AGBL4: variants seen among roughly 807,000 people sequenced by gnomAD.
The protein encoded by AGBL4 is cytosolic carboxypeptidase 6.
A neutral mutation model predicts 66.4 loss-of-function variants in AGBL4; 58 were observed. The observed-to-expected ratio is 0.87, with a 90% confidence interval of 0.71 to 1.09. The LOEUF is 1.09. AGBL4 is among the 50% of genes least tolerant of loss of function. The pLI, the probability that AGBL4 is intolerant of heterozygous loss-of-function variation, is 0.00. For synonymous variants in AGBL4, 234 were observed against 222.9 expected, an observed-to-expected ratio of 1.05 and a Z score of -0.44; for missense variants, 579 against 631.0, an observed-to-expected ratio of 0.92 and a Z score of 0.88.
At chr1:48,733,591 G>C (rs1448211535) in intron 6 of AGBL4, among the ~76,000 whole-genome samples, 3 of 152,204 alleles carry the variant, frequency 2.0e-5, no homozygotes, top group Non-Finnish European at 4.4e-5. Context: ...GTTCCAGCTG[G>C]GGTTGGAGCT....
chr1:48,634,980 T>G (rs1645646382), intron 8 of AGBL4, among the ~76,000 whole-genome samples: 1 of 152,224 alleles, frequency 6.6e-6, no homozygotes. Context: ...TTATGCCTCT[T>G]TGCTCACACC....
At chr1:49,517,642 A>G (rs1322320139) in intron 3 of AGBL4, among the ~76,000 whole-genome samples, 2 of 152,066 alleles carry the variant, frequency 1.3e-5, no homozygotes, top group African/African-American at 2.4e-5. Flanking sequence ...CATTTTGCAG[A>G]TAATAAAACT....
rs1213631398 is a variant in AGBL4 at position 49,381,254 on chromosome 1, AT to A, written c.283-135391del. ...AAAAACACATGAAAAAATGCTCACC[AT>A]CACTGGCCATCAGAGAAATGCAAAT... is the stretch of plus-strand genomic sequence containing the variant. On this transcript the variant is annotated intron_variant, in intron 3 of 13. Transcript: ENST00000371839. Among the ~76,000 whole-genome samples, 4 of 152,352 alleles carry A rather than the reference AT, an allele frequency of 2.6e-5. No individual in the cohort carries two copies. In the East Asian group the frequency reaches 5.8e-4, roughly 22 times the overall value.
chr1:49,630,136 A>G (rs147110519), intron 3 of AGBL4, among the ~76,000 whole-genome samples: 19 of 152,198 alleles, frequency 1.2e-4, no homozygotes, highest in Non-Finnish European at 2.1e-4. Context: ...ATTATCATAA[A>G]CAGTATTGAG....
chr1:49,859,293 ACTAAAGACTGGTATTC>A, intron 1 of AGBL4, among the ~76,000 whole-genome samples: 1 of 152,210 alleles, frequency 6.6e-6, no homozygotes, highest in Non-Finnish European at 1.5e-5. Context: ...CAAGAAGAAA[ACTAAAGACTGGTATTC>A]CTTCTGAACA....
At chr1:49,159,238 G>A (rs1646495063) in intron 4 of AGBL4, among the ~76,000 whole-genome samples, 1 of 152,022 alleles carries the variant, frequency 6.6e-6, no homozygotes, top group South Asian at 2.1e-4. Context: ...TCCTTCAGGA[G>A]CTCTTGTAAG....
chr1:49,885,074 T>C (rs1647874477), intron 1 of AGBL4, among the ~76,000 whole-genome samples: 1 of 151,984 alleles, frequency 6.6e-6, no homozygotes. Context: ...CAGTTCATAT[T>C]GGTCAAAGTG....
chr1:48,959,883 T>C (rs538947315), intron 5 of AGBL4, among the ~76,000 whole-genome samples: 1 of 152,312 alleles, frequency 6.6e-6, no homozygotes, highest in African/African-American at 2.4e-5. Flanking sequence ...TAGGGCCTTG[T>C]AGGCCACAGT....
intron 9 of AGBL4, among the ~76,000 whole-genome samples, chr1:48,615,608 G>C (rs1481848766): frequency 6.6e-6 from 1 of 152,172 alleles, no homozygotes; most frequent in Non-Finnish European, 1.5e-5. Flanking sequence ...AATGAACCCA[G>C]AACTCTATTT....
chr1:49,123,646 G>A (rs1645707460), intron 4 of AGBL4, among the ~76,000 whole-genome samples: 1 of 152,092 alleles, frequency 6.6e-6, no homozygotes, highest in Non-Finnish European at 1.5e-5. Flanking sequence ...GGATGTGGTG[G>A]AGACTGTTGC....
intron 6 of AGBL4, among the ~76,000 whole-genome samples, chr1:48,684,746 A>G (rs539357114): frequency 6.6e-6 from 1 of 152,344 alleles, no homozygotes; most frequent in Admixed American, 6.5e-5. Context: ...TGCCAATCAG[A>G]AAACAAACTT....
At chr1:48,729,293 T>C (rs548923756) in intron 6 of AGBL4, among the ~76,000 whole-genome samples, 1 of 152,306 alleles carries the variant, frequency 6.6e-6, no homozygotes, top group African/African-American at 2.4e-5. Context: ...AATAACTGAA[T>C]AAATGCTTTT....
At chr1:48,893,687 AAAAT>A (rs913305614) in intron 5 of AGBL4, among the ~76,000 whole-genome samples, 3 of 25,840 alleles carry the variant, frequency 1.2e-4, no homozygotes, top group African/African-American at 1.8e-4. Context: ...TCTGTCTCAA[AAAAT>A]AAATAAATAA....
chr1:49,782,359 A>G (rs1644356951), intron 2 of AGBL4, among the ~76,000 whole-genome samples: 1 of 152,178 alleles, frequency 6.6e-6, no homozygotes, highest in Non-Finnish European at 1.5e-5. Context: ...AATAACTGAG[A>G]TAAAATAAAG....
At position 49,279,609 on chromosome 1, in the gene AGBL4, A is replaced by G. The variant is rs74639076; in HGVS notation, c.283-33745T>C. On this transcript the variant is annotated intron_variant, in intron 3 of 13. Transcript: ENST00000371839. ...TGCCACCAACTTATTTGACCTTAGG[A>G]AAATTACTTGCTGTCTCTGGTCTTC... Among the ~76,000 whole-genome samples, 1,201 of 152,132 alleles carry G rather than the reference A, an allele frequency of 7.9e-3. 8 individuals are homozygous for G. The highest frequency in any genetic ancestry group is 0.031 in the Middle Eastern group (9 of 294).
chr1:49,341,475 G>A (rs1645537900), intron 3 of AGBL4, among the ~76,000 whole-genome samples: 1 of 152,126 alleles, frequency 6.6e-6, no homozygotes, highest in Non-Finnish European at 1.5e-5. Context: ...TGTTGAACTT[G>A]GGTTACAGTT....
At position 48,736,202 on chromosome 1, in the gene AGBL4, A is replaced by G. The variant is rs1377604724; in HGVS notation, c.635-72961T>C. The G allele has an allele frequency of 1.9e-6, 3 of 1,577,050 alleles. No individual in the cohort carries two copies. The East Asian group carries it at 6.7e-5, about 35-fold the overall frequency. On this transcript the variant is annotated intron_variant, in intron 6 of 13. Coordinates refer to ENST00000371839, the MANE Select transcript of AGBL4 (RefSeq NM_032785.4). This position sits in a 1 kb window ranked among gnomAD's most constrained non-coding sequence, Gnocchi z 4.0. ...ACACATTCTTGACAGAGTAAAAGAC[A>G]GAATCCCAGCCATTGTGTTTCCACT...
intron 5 of AGBL4, among the ~76,000 whole-genome samples, chr1:49,011,457 G>T (rs1048754956): frequency 3.9e-5 from 6 of 152,198 alleles, no homozygotes; most frequent in African/African-American, 1.2e-4. Flanking sequence ...TTCAACCATT[G>T]TGCAAGTCAG....
rs985471599 is a variant in AGBL4 at position 49,916,645 on chromosome 1, G to C, written c.35-65127C>G. Among the ~76,000 whole-genome samples the C allele has an allele frequency of 2.0e-5, 3 of 152,292 alleles. No homozygotes were observed. In the East Asian group the frequency reaches 5.8e-4, roughly 29 times the overall value. ...AAAGTGACGGGGAGAATGGAACCAAGTTGGAAAACACTCTGCAGGATATTA... is the reference window on the plus strand; with the variant it reads ...AAAGTGACGGGGAGAATGGAACCAACTTGGAAAACACTCTGCAGGATATTA... On this transcript the variant is annotated intron_variant, in intron 1 of 13. Coordinates refer to ENST00000371839, the MANE Select transcript of AGBL4 (RefSeq NM_032785.4).
Sources: gnomAD v4.1 joint callset for allele counts (sites outside exome capture counted in the v4.1 genomes callset) on GRCh38, gnomAD v4.1.1 for gene constraint, Gnocchi (gnomAD v3.1) non-coding constraint, MANE v1.5 for transcripts, NCBI Gene and HGNC (gene_info 2026-07-23, HGNC 2026-07-21) for gene names.